PITRM1: variants seen among roughly 807,000 people sequenced by gnomAD.
PITRM1 encodes the protein pitrilysin metallopeptidase 1.
A neutral mutation model predicts 129.9 loss-of-function variants in PITRM1; 100 were observed. The observed-to-expected ratio is 0.77, with a 90% CI of 0.65 to 0.91. PITRM1 has a LOEUF of 0.91. Among genes scored for constraint, PITRM1 ranks in the 40% least tolerant of loss-of-function variants. PITRM1 has a pLI of 0.00. For missense variants in PITRM1, 1,471 were observed against 1,318.3 expected (o/e 1.12, Z -1.79); for synonymous variants, 591 against 508.8 (o/e 1.16, Z -2.17).
chr10:3,161,709 A>G (rs1446416843), intron 7 of PITRM1, among the ~76,000 whole-genome samples: 2 of 152,168 alleles, frequency 1.3e-5, no homozygotes, highest in Non-Finnish European at 2.9e-5. Context: ...CAAAGAAGTT[A>G]GACCAAAACG....
chr10:3,153,068 A>G (rs1319383157), intron 14 of PITRM1, among the ~76,000 whole-genome samples: 1 of 152,252 alleles, frequency 6.6e-6, no homozygotes, highest in Non-Finnish European at 1.5e-5. Context: ...TTTAATTCAC[A>G]GAACCCTAAC....
rs569124360 is a variant in PITRM1, at chr10:3,139,038, G to A, written c.2783C>T (p.Thr928Ile). ...CCCAAAAGACTGGAGCGTCTCTATT[G>A]TATTTGGGTCCCTAGGAAACCCAGA... is the stretch of plus-strand genomic sequence containing the variant. ...FTLYSYRDPN[T>I]IETLQSFGKA... Residue 928 changes from threonine to isoleucine, a missense_variant, in exon 25 of 27, where the codon ACA becomes ATA. Coordinates refer to ENST00000224949, the MANE Select transcript of PITRM1 (RefSeq NM_014889.4). The A allele has an allele frequency of 1.2e-6, 2 of 1,613,728 alleles. No homozygotes were observed. Among genetic ancestry groups the A allele is most frequent in the East Asian group, 2.2e-5 (1 of 44,884 alleles).
At chr10:3,153,730 T>C (rs1429191632) in intron 14 of PITRM1, among the ~76,000 whole-genome samples, 4 of 152,208 alleles carry the variant, frequency 2.6e-5, no homozygotes, top group Non-Finnish European at 5.9e-5. Context: ...TTTTACATGA[T>C]GTAACTTCAA....
chr10:3,140,003 T>C (rs1840018620), intron 24 of PITRM1, among the ~76,000 whole-genome samples: 1 of 152,196 alleles, frequency 6.6e-6, no homozygotes, highest in Non-Finnish European at 1.5e-5. Context: ...ATCAGCCCCC[T>C]CACCTGGGGC....
chr10:3,165,668 T>A (rs978501982), intron 4 of PITRM1, 141 bp from the exon 5 acceptor site: 9 of 623,162 alleles, frequency 1.4e-5, no homozygotes, highest in Non-Finnish European at 2.2e-5. Flanking sequence ...CATGCTCTGG[T>A]CCCTGGCCTC....
intron 7 of PITRM1, chr10:3,163,124 ATC>A (rs940829811): frequency 6.6e-6 from 1 of 152,198 alleles, no homozygotes; most frequent in Non-Finnish European, 1.5e-5. Flanking sequence ...TTATTCTAGT[ATC>A]TCTACTTTTC....
chr10:3,143,330 C>T, intron 23 of PITRM1, 59 bp downstream of exon 23: 3 of 1,093,066 alleles, frequency 2.7e-6, no homozygotes, highest in Non-Finnish European at 4.2e-6. Flanking sequence ...ACTCGAACAG[C>T]CTTGACAAGC....
chr10:3,163,907 A>G, intron 6 of PITRM1, 22 bp from the exon 7 acceptor site: 1 of 1,546,044 alleles, frequency 6.5e-7, no homozygotes, highest in Non-Finnish European at 8.8e-7. Context: ...AAATAAATAA[A>G]TCATAAGTAT....
At chr10:3,151,133 C>T in intron 15 of PITRM1, 114 bp downstream of exon 15, 2 of 676,226 alleles carry the variant, frequency 3.0e-6, no homozygotes, top group Non-Finnish European at 5.5e-6. Context: ...CACAGGGCTG[C>T]TCAAGTGTTT....
rs10567396 is a variant in PITRM1, at chr10:3,161,851, G to GA, written c.792-1522dup. Among the ~76,000 whole-genome samples, 66 of 136,442 alleles carry GA rather than the reference G, an allele frequency of 4.8e-4. No homozygotes were observed. The South Asian group carries it at 7.2e-3, about 15-fold the overall frequency. The allele number at this position is 136,442 out of a possible 152,430, so 89.5% of individuals were successfully genotyped here. Reference sequence around the variant, plus strand: ...TACTAAAAAACAAAACAAGACTGGGGAAAAAAAAAAAAAAGAAGAAAAGAA... The same window carrying GA: ...TACTAAAAAACAAAACAAGACTGGGGAAAAAAAAAAAAAAAGAAGAAAAGAA... On this transcript the variant is annotated intron_variant, in intron 7 of 26. Transcript: ENST00000224949.
intron 18 of PITRM1, 71 bp downstream of exon 18, chr10:3,147,916 T>C: frequency 7.8e-7 from 1 of 1,286,376 alleles, no homozygotes; most frequent in Middle Eastern, 1.8e-4. Context: ...TAAAACTGTC[T>C]CCTTTAAAGT....
At chr10:3,150,961 A>G (rs1384876547) in intron 15 of PITRM1, among the ~76,000 whole-genome samples, 3 of 152,074 alleles carry the variant, frequency 2.0e-5, no homozygotes, top group Admixed American at 6.6e-5. Flanking sequence ...GTCACAGCGT[A>G]ACCCAAATCC....
chr10:3,171,145 AT>A (rs148361937), intron 1 of PITRM1, among the ~76,000 whole-genome samples: 853 of 61,260 alleles, frequency 0.014, 255 homozygotes, highest in East Asian at 0.026. Context: ...TAATCGTTCA[AT>A]TAAAAAAAAA....
At chr10:3,171,505 G>A (rs1267093369) in intron 1 of PITRM1, among the ~76,000 whole-genome samples, 1 of 152,114 alleles carries the variant, frequency 6.6e-6, no homozygotes, top group Non-Finnish European at 1.5e-5. Flanking sequence ...GTGCAGCGGT[G>A]CAATCTCGAC....
intron 16 of PITRM1, chr10:3,148,778 A>C (rs1402119405): frequency 1.3e-5 from 2 of 154,224 alleles, no homozygotes; most frequent in Non-Finnish European, 2.9e-5. Context: ...TTTGAAAGAA[A>C]CATTCACAGT....
intron 9 of PITRM1, 137 bp from the exon 10 acceptor site, chr10:3,159,179 G>A: frequency 2.5e-6 from 2 of 806,294 alleles, no homozygotes; most frequent in South Asian, 1.9e-5. Flanking sequence ...AATTTTATGA[G>A]CAGAAGAGAA....
chr10:3,138,037 G>C lies in PITRM1; in HGVS notation c.3108C>G (p.Ile1036Met), dbSNP rs778286117. The C allele has an allele frequency of 1.2e-5, 20 of 1,600,946 alleles. No homozygotes were observed. The highest frequency in any genetic ancestry group is 1.6e-5 in the Non-Finnish European group (19 of 1,172,178). Residue 1036 changes from isoleucine (I) to methionine (M), a missense_variant, in exon 27 of 27, where the codon ATC (isoleucine) becomes ATG (methionine). Ile to Met is a conservative substitution (Grantham distance 10). Transcript: ENST00000224949. ...AGTCGAGCGCCACGGCTGCTCATTG[G>C]ATGATCCAGGATGGGTCCTTGGCAA... ...PKIAKDPSWIIQ is the reference protein window; with the variant it reads ...PKIAKDPSWIMQ
intron 14 of PITRM1, among the ~76,000 whole-genome samples, chr10:3,152,135 A>C (rs1841577216): frequency 6.6e-6 from 1 of 152,206 alleles, no homozygotes; most frequent in Non-Finnish European, 1.5e-5. Context: ...AGTGGTGCTT[A>C]GAAAGACACT....
At chr10:3,144,967 C>A (rs1480302526) in intron 21 of PITRM1, 1 of 152,596 alleles carries the variant, frequency 6.6e-6, no homozygotes, top group African/African-American at 2.4e-5. Context: ...TCTGTCAAAT[C>A]AAGAGGACAT....
Sources: allele counts gnomAD v4.1 joint callset (sites outside exome capture counted in the v4.1 genomes callset), GRCh38; gene constraint gnomAD v4.1.1; transcripts MANE v1.5; gene names NCBI Gene and HGNC (gene_info 2026-07-23, HGNC 2026-07-21).